The following CNTNAP2 variants were observed in gnomAD, a reference collection of about 807,000 sequenced individuals.
CNTNAP2 encodes contactin associated protein 2, also known as contactin-associated protein-like 2.
CNTNAP2 carries 98 observed loss-of-function variants against 155.2 expected under a neutral mutation model. That is an observed-to-expected ratio of 0.63 (90% CI 0.54 to 0.75). The LOEUF (loss-of-function observed/expected upper bound fraction) is 0.75. Ranked by LOEUF, CNTNAP2 falls within the 30% of genes least tolerant of loss-of-function variation. The pLI, the probability that CNTNAP2 is intolerant of heterozygous loss-of-function variation, is 0.00. For missense variants in CNTNAP2, 1,727 were observed against 1,688.1 expected (o/e 1.02, Z -0.40); for synonymous variants, 651 against 631.2 (o/e 1.03, Z -0.47).
intron 1 of CNTNAP2, among the ~76,000 whole-genome samples, chr7:146,284,934 G>A (rs901818781): frequency 6.6e-6 from 1 of 152,060 alleles, no homozygotes; most frequent in African/African-American, 2.4e-5. Context: ...TGGTTTCATC[G>A]CTTGCTGCTG....
At chr7:147,657,936 G>A (rs940188667) in intron 13 of CNTNAP2, among the ~76,000 whole-genome samples, 2 of 152,106 alleles carry the variant, frequency 1.3e-5, no homozygotes, top group African/African-American at 2.4e-5. Context: ...AATTATATGA[G>A]GTGAAGTTTC....
chr7:148,181,820 C>A (rs548435869), intron 18 of CNTNAP2, among the ~76,000 whole-genome samples: 2 of 122,640 alleles, frequency 1.6e-5, no homozygotes, highest in South Asian at 2.8e-4. Context: ...TTCAGTGGCA[C>A]AAACTCGGCT....
chr7:146,151,196 A>G (rs557343111), intron 1 of CNTNAP2, among the ~76,000 whole-genome samples: 1 of 152,240 alleles, frequency 6.6e-6, no homozygotes, highest in South Asian at 2.1e-4. Context: ...GGGGATTACA[A>G]TTCAAGATGA....
chr7:146,677,391 G>C (rs1800419214), intron 1 of CNTNAP2, among the ~76,000 whole-genome samples: 2 of 152,170 alleles, frequency 1.3e-5, no homozygotes, highest in East Asian at 1.9e-4. Flanking sequence ...AGAGAGAATA[G>C]ATTGTAAATG....
intron 16 of CNTNAP2, among the ~76,000 whole-genome samples, chr7:148,130,708 G>A (rs780737819): frequency 6.6e-6 from 1 of 152,160 alleles, no homozygotes; most frequent in East Asian, 1.9e-4. Context: ...TCCAGCTACT[G>A]ATATTCCCTG....
At position 146,458,434 on chromosome 7, in the gene CNTNAP2, A is replaced by T. The variant is rs116319441; in HGVS notation, c.98-315837A>T. Among the ~76,000 whole-genome samples, 96 of 152,334 alleles carry T rather than the reference A, an allele frequency of 6.3e-4. 1 individual carries two copies. The highest frequency in any genetic ancestry group is 2.3e-3 in the African/African-American group (95 of 41,578). Reference sequence around the variant, plus strand: ...GAAAACCACGCAGGAATGTACAATAACAAAATCAAAGATTCAGTCACCCTC... The same window carrying T: ...GAAAACCACGCAGGAATGTACAATATCAAAATCAAAGATTCAGTCACCCTC... On this transcript the variant is annotated intron_variant, in intron 1 of 23. Transcript: ENST00000361727.
intron 3 of CNTNAP2, among the ~76,000 whole-genome samples, chr7:147,002,784 C>T (rs890023631): frequency 6.6e-6 from 1 of 151,620 alleles, no homozygotes; most frequent in African/African-American, 2.4e-5. Context: ...TATTGGGTCT[C>T]TTCATTAGGG....
intron 1 of CNTNAP2, among the ~76,000 whole-genome samples, chr7:146,613,436 G>C (rs909757328): frequency 6.6e-6 from 1 of 152,092 alleles, no homozygotes; most frequent in Non-Finnish European, 1.5e-5. Context: ...TTTGATTATA[G>C]TAAAATCCAA....
chr7:146,845,982 C>A (rs1803833344), intron 3 of CNTNAP2, among the ~76,000 whole-genome samples: 1 of 152,112 alleles, frequency 6.6e-6, no homozygotes, highest in South Asian at 2.1e-4. Flanking sequence ...ACTAATTTTC[C>A]AAATCACTTA....
intron 13 of CNTNAP2, among the ~76,000 whole-genome samples, chr7:147,818,020 TG>T (rs1374052462): frequency 6.6e-6 from 1 of 152,138 alleles, no homozygotes; most frequent in African/African-American, 2.4e-5. Flanking sequence ...TCATCTTTTC[TG>T]TATACAATTG....
chr7:146,679,499 G>A (rs1315517909), intron 1 of CNTNAP2, among the ~76,000 whole-genome samples: 1 of 151,870 alleles, frequency 6.6e-6, no homozygotes, highest in African/African-American at 2.4e-5. Context: ...GGGATTACAG[G>A]CGCCCGCCAA....
At chr7:147,510,850 C>CATATATATAAATATATAT (rs1799004087) in intron 11 of CNTNAP2, among the ~76,000 whole-genome samples, 1 of 76,436 alleles carries the variant, frequency 1.3e-5, no homozygotes. Context: ...GGCCTACAAC[C>CATATATATAAATATATAT]ATATATATAT....
At position 146,536,749 on chromosome 7, in the gene CNTNAP2, G is replaced by A. The variant is rs184643865; in HGVS notation, c.98-237522G>A. On this transcript the variant is annotated intron_variant, in intron 1 of 23. Transcript: ENST00000361727. Reference sequence around the variant, plus strand: ...ACATCTCTAGTCACGTTGCGTGAAGGGTCAAGGACACACAGGGTCACATTC... The same window carrying A: ...ACATCTCTAGTCACGTTGCGTGAAGAGTCAAGGACACACAGGGTCACATTC... 1.3e-4 allele frequency among the ~76,000 whole-genome samples: 20 copies of A among 152,138 alleles called. No homozygotes were observed. The East Asian group carries it at 3.9e-3, about 29-fold the overall frequency.
intron 21 of CNTNAP2, among the ~76,000 whole-genome samples, chr7:148,357,778 G>A (rs940162358): frequency 2.0e-5 from 3 of 152,200 alleles, no homozygotes; most frequent in South Asian, 4.1e-4. Context: ...ATTCTTGTAT[G>A]CACACATAGG....
intron 3 of CNTNAP2, among the ~76,000 whole-genome samples, chr7:146,921,777 C>G (rs1796505038): frequency 6.6e-6 from 1 of 151,920 alleles, no homozygotes; most frequent in African/African-American, 2.4e-5. Flanking sequence ...GCCTGAGTCT[C>G]CTAAGGAAAG....
chr7:147,261,527 T>C (rs1227919079), intron 8 of CNTNAP2, among the ~76,000 whole-genome samples: 1 of 151,894 alleles, frequency 6.6e-6, no homozygotes, highest in Non-Finnish European at 1.5e-5. Context: ...TCTCGGTACT[T>C]GTTCTTGTCA....
At chr7:148,136,269 G>A (rs1039829961) in intron 16 of CNTNAP2, among the ~76,000 whole-genome samples, 1 of 152,102 alleles carries the variant, frequency 6.6e-6, no homozygotes, top group Non-Finnish European at 1.5e-5. Context: ...TGTGACTCCC[G>A]ATGTTGGAGG....
chr7:148,347,642 T>C (rs1798350241), intron 21 of CNTNAP2, among the ~76,000 whole-genome samples: 1 of 152,244 alleles, frequency 6.6e-6, no homozygotes, highest in Admixed American at 6.5e-5. Flanking sequence ...TTAAATAATT[T>C]TAGTGTCCTG....
chr7:146,595,828 G>C (rs945975950), intron 1 of CNTNAP2, among the ~76,000 whole-genome samples: 1 of 152,022 alleles, frequency 6.6e-6, no homozygotes, highest in East Asian at 1.9e-4. Flanking sequence ...GCTCGAACCT[G>C]GTTTTCAACA....
Sources: allele counts gnomAD v4.1 joint callset (sites outside exome capture counted in the v4.1 genomes callset), GRCh38; gene constraint gnomAD v4.1.1; transcripts MANE v1.5; gene names NCBI Gene and HGNC (gene_info 2026-07-23, HGNC 2026-07-21).